PRKN: variants seen among roughly 807,000 people sequenced by gnomAD.
PRKN encodes E3 ubiquitin-protein ligase parkin.
In PRKN, 56 loss-of-function variants were observed where a neutral mutation model predicts 59.5. That is an observed-to-expected ratio of 0.94 (90% confidence interval 0.76 to 1.18). PRKN has a LOEUF of 1.18. Ranked by LOEUF, PRKN falls within the 50% of genes most tolerant of loss-of-function variation. The pLI is 0.00. For missense variants in PRKN, 657 were observed against 596.4 expected (o/e 1.10, Z -1.06); for synonymous variants, 250 against 222.1 (o/e 1.13, Z -1.12).
At chr6:162,569,669 A>C (rs1780230331) in intron 1 of PRKN, 2 of 671,906 alleles carry the variant, frequency 3.0e-6, no homozygotes, top group African/African-American at 3.6e-5. Flanking sequence ...GGTTGTGAAG[A>C]AGATCAAGAC....
intron 6 of PRKN, among the ~76,000 whole-genome samples, chr6:161,901,138 A>T (rs897895142): frequency 1.3e-5 from 2 of 151,912 alleles, no homozygotes; most frequent in African/African-American, 4.8e-5. Context: ...GGCTGGTCTC[A>T]AACCCCTGAC....
chr6:162,125,577 TC>T (rs1781092805), intron 4 of PRKN, among the ~76,000 whole-genome samples: 1 of 152,152 alleles, frequency 6.6e-6, no homozygotes, highest in South Asian at 2.1e-4. Flanking sequence ...AGGGAAAAGA[TC>T]CCATACCTAT....
intron 2 of PRKN, among the ~76,000 whole-genome samples, chr6:162,383,164 A>C (rs1786590455): frequency 6.6e-6 from 1 of 152,274 alleles, no homozygotes; most frequent in East Asian, 1.9e-4. Context: ...TCTTCCCATG[A>C]ATCACAAATT....
At position 161,672,053 on chromosome 6, in the gene PRKN, T is replaced by C. The variant is rs559902635; in HGVS notation, c.872-102637A>G. On this transcript the variant is annotated intron_variant, in intron 7 of 11. Transcript: ENST00000366898. ...TTGTTTAAGCAGCAATGATATGTCA[T>C]GCCAAGCTGAGTTCAACTTTCTTGG... Among the ~76,000 whole-genome samples, 4 of 152,294 alleles carry C rather than the reference T, an allele frequency of 2.6e-5. No individual in the cohort carries two copies. In the South Asian group the frequency reaches 8.3e-4, roughly 32 times the overall value.
intron 2 of PRKN, among the ~76,000 whole-genome samples, chr6:162,281,858 A>G (rs1055738813): frequency 3.3e-5 from 5 of 152,172 alleles, no homozygotes; most frequent in Non-Finnish European, 7.3e-5. Context: ...TGTGGAAGAC[A>G]ATATTTCCAC....
In PRKN at chr6:161,502,454, A is replaced by T. The variant is rs1777997641; in HGVS notation, c.1083+46400T>A. On this transcript the variant is annotated intron_variant, in intron 9 of 11. Coordinates refer to ENST00000366898, the MANE Select transcript of PRKN (RefSeq NM_004562.3). This position sits in a 1 kb window ranked among gnomAD's most constrained non-coding sequence, Gnocchi z 4.0. ...CCCTGGGAAATTAGCAAGGTTTCCC[A>T]GCACCCCAAGCTACTTGCCTTCCCA... Among the ~76,000 whole-genome samples the T allele has an allele frequency of 6.6e-6, 1 of 152,152 alleles. No individual in the cohort carries two copies. Among genetic ancestry groups the T allele is most frequent in the Non-Finnish European group, 1.5e-5 (1 of 68,024 alleles).
At chr6:162,299,116 T>C (rs1040195553) in intron 2 of PRKN, among the ~76,000 whole-genome samples, 13 of 152,184 alleles carry the variant, frequency 8.5e-5, no homozygotes, top group African/African-American at 3.1e-4. Flanking sequence ...AGGTGTGAAC[T>C]GGAGGCAGAG....
intron 1 of PRKN, among the ~76,000 whole-genome samples, chr6:162,702,043 GAACTA>G (rs923200571): frequency 3.9e-5 from 6 of 151,902 alleles, no homozygotes; most frequent in African/African-American, 1.5e-4. Context: ...TGTTTTTGTA[GAACTA>G]AACATCTCCT....
chr6:162,444,611 C>T (rs1583582630), intron 1 of PRKN, among the ~76,000 whole-genome samples: 1 of 152,246 alleles, frequency 6.6e-6, no homozygotes, highest in Non-Finnish European at 1.5e-5. Flanking sequence ...AATGTGACCT[C>T]CCCCAAGAAG....
intron 1 of PRKN, among the ~76,000 whole-genome samples, chr6:162,563,201 G>A (rs1172168010): frequency 6.6e-6 from 1 of 152,178 alleles, no homozygotes; most frequent in Admixed American, 6.5e-5. Flanking sequence ...CTACTCGGGA[G>A]GCTGAGGCAG....
intron 1 of PRKN, among the ~76,000 whole-genome samples, chr6:162,467,222 A>G (rs929162902): frequency 5.9e-5 from 9 of 152,124 alleles, no homozygotes; most frequent in African/African-American, 2.2e-4. Context: ...AATATCAAAC[A>G]CAATTCATCA....
At chr6:161,766,529 C>T (rs181107378) in intron 7 of PRKN, among the ~76,000 whole-genome samples, 5 of 152,110 alleles carry the variant, frequency 3.3e-5, no homozygotes, top group Admixed American at 3.3e-4. Flanking sequence ...AGGATGGTCT[C>T]GATTTCTTGA....
chr6:161,887,767 A>G (rs1202960078), intron 6 of PRKN, among the ~76,000 whole-genome samples: 2 of 152,210 alleles, frequency 1.3e-5, no homozygotes, highest in Admixed American at 1.3e-4. Flanking sequence ...TAGAAATGCA[A>G]TCTAGCAGAT....
intron 1 of PRKN, among the ~76,000 whole-genome samples, chr6:162,570,765 G>A (rs1177252625): frequency 2.0e-5 from 3 of 152,138 alleles, no homozygotes; most frequent in Non-Finnish European, 4.4e-5. Flanking sequence ...AATCAAAACA[G>A]TTGAACCCAT....
intron 7 of PRKN, among the ~76,000 whole-genome samples, chr6:161,611,314 C>T (rs1176283456): frequency 6.6e-6 from 1 of 152,188 alleles, no homozygotes; most frequent in African/African-American, 2.4e-5. Flanking sequence ...CACACCTCTT[C>T]TTCTTGTGTG....
chr6:161,508,892 T>C (rs1488743197), intron 9 of PRKN, among the ~76,000 whole-genome samples: 4 of 152,028 alleles, frequency 2.6e-5, no homozygotes, highest in Admixed American at 2.6e-4. Context: ...TTGCCGAGAC[T>C]GGAGTGCAAT....
chr6:162,488,027 CTTTTTTTTTTTT>C (rs752587530), intron 1 of PRKN, among the ~76,000 whole-genome samples: 3 of 109,772 alleles, frequency 2.7e-5, no homozygotes, highest in Non-Finnish European at 5.7e-5. Flanking sequence ...CACCATTTCC[CTTTTTTTTTTTT>C]TTTTTTTTTT....
chr6:161,915,834 A>G (rs542209478), intron 6 of PRKN, among the ~76,000 whole-genome samples: 1 of 152,364 alleles, frequency 6.6e-6, no homozygotes, highest in Admixed American at 6.5e-5. Flanking sequence ...ATGAATATTT[A>G]CCATTGACAG....
At chr6:161,432,532 ATTTTT>A (rs767620173) in intron 9 of PRKN, among the ~76,000 whole-genome samples, 1 of 125,494 alleles carries the variant, frequency 8.0e-6, no homozygotes, top group African/African-American at 3.0e-5. Flanking sequence ...TGCCCAGCTA[ATTTTT>A]TTTTTTTTTT....
Sources: allele counts gnomAD v4.1 joint callset (sites outside exome capture counted in the v4.1 genomes callset), GRCh38; gene constraint gnomAD v4.1.1; non-coding constraint Gnocchi (gnomAD v3.1); transcripts MANE v1.5; gene names NCBI Gene and HGNC (gene_info 2026-07-23, HGNC 2026-07-21).